The following KCNQ1 variants were observed in gnomAD, a reference collection of about 807,000 sequenced individuals.
KCNQ1 encodes potassium voltage-gated channel subfamily Q member 1, also known as potassium voltage-gated channel subfamily KQT member 1.
KCNQ1 carries 49 observed loss-of-function variants against 72.4 expected under a neutral mutation model. That is an observed-to-expected ratio of 0.68 (90% CI 0.54 to 0.86). KCNQ1 has a LOEUF of 0.86. Ranked by LOEUF, KCNQ1 falls within the 40% of genes least tolerant of loss-of-function variation. The probability of loss-of-function intolerance (pLI) is 0.00; values close to 1 mark genes in which losing one functional copy is unlikely to be tolerated. For missense variants in KCNQ1, 790 were observed against 945.1 expected (o/e 0.84, Z 2.15); for synonymous variants, 450 against 412.6 (o/e 1.09, Z -1.10).
intron 1 of KCNQ1, among the ~76,000 whole-genome samples, chr11:2,467,760 T>C (rs1846372635): frequency 6.6e-6 from 1 of 152,192 alleles, no homozygotes; most frequent in Non-Finnish European, 1.5e-5. Flanking sequence ...CAATGGGGGC[T>C]GTGGGGACCC....
Position 2,445,503 on chromosome 11 carries a change from G to A in KCNQ1, c.386+19G>A, listed in dbSNP as rs1565023350. 3 of 1,588,410 alleles carry A rather than the reference G, an allele frequency of 1.9e-6. No homozygotes were observed. Among genetic ancestry groups the A allele is most frequent in the Non-Finnish European group, 1.7e-6 (2 of 1,175,664 alleles). ...TCGCCGTGTGAGTATCGCCACCGGC[G>A]ACGGCCGGCACGAAGGTGCTTCCTG... On this transcript the variant is annotated intron_variant, in intron 1 of 15. Coordinates refer to ENST00000155840, the MANE Select transcript of KCNQ1 (RefSeq NM_000218.3).
intron 11 of KCNQ1, chr11:2,667,699 T>C (rs2133864507): frequency 5.0e-6 from 2 of 398,698 alleles, no homozygotes; most frequent in Middle Eastern, 6.3e-4. Context: ...GGTGACCTAG[T>C]CAGGAAGTCT....
Position 2,477,201 on chromosome 11 carries a change from C to A in KCNQ1, c.386+31717C>A, listed in dbSNP as rs990304310. ...AGGTGAGATATGTGGAGACATGGCA[C>A]GTGGTGAAAATGCTTGGCAAAGTGT... On this transcript the variant is annotated intron_variant, in intron 1 of 15. Transcript: ENST00000155840. The surrounding 1 kb of genome is among the most constrained non-coding windows in gnomAD (Gnocchi z 5.0). Among the ~76,000 whole-genome samples the A allele has an allele frequency of 1.3e-5, 2 of 152,152 alleles. No individual in the cohort carries two copies. Among genetic ancestry groups the A allele is most frequent in the African/African-American group, 4.8e-5 (2 of 41,430 alleles).
Position 2,659,653 on chromosome 11 carries a change from A to G in KCNQ1, c.1394-2308A>G. 1 of 398,538 alleles carries G rather than the reference A, an allele frequency of 2.5e-6. No homozygotes were observed. Among genetic ancestry groups the G allele is most frequent in the Non-Finnish European group, 4.4e-6 (1 of 226,012 alleles). 24.7% of individuals were successfully genotyped at this position (398,538 alleles called of 1,614,324 possible). On this transcript the variant is annotated intron_variant, in intron 10 of 15. Coordinates refer to ENST00000155840, the MANE Select transcript of KCNQ1 (RefSeq NM_000218.3). The surrounding 1 kb of genome is among the most constrained non-coding windows in gnomAD (Gnocchi z 4.3). Reference sequence around the variant, plus strand: ...AGGTCATGTGGTATGTGTATGTTTAACTTAATAAGAAATTGCTAAACTATT... The same window carrying G: ...AGGTCATGTGGTATGTGTATGTTTAGCTTAATAAGAAATTGCTAAACTATT...
intron 3 of KCNQ1, 67 bp from the exon 4 acceptor site, chr11:2,571,258 G>A (rs1848328703): frequency 7.7e-7 from 1 of 1,301,240 alleles, no homozygotes; most frequent in Non-Finnish European, 1.1e-6. Flanking sequence ...AGAGCAGGGT[G>A]TATGCTCTTC....
Position 2,826,900 on chromosome 11 carries a change from G to A in KCNQ1, c.1795-20867G>A, listed in dbSNP as rs150407026. Among the ~76,000 whole-genome samples, 19 of 152,358 alleles carry A rather than the reference G, an allele frequency of 1.2e-4. No homozygotes were observed. The East Asian group carries it at 2.3e-3, about 19-fold the overall frequency. ...TCTGGTCCTGGAGTGACAAGGACAGGGAGGAAGAAAGCCAGGCAGGTGGCC... is the reference window on the plus strand; with the variant it reads ...TCTGGTCCTGGAGTGACAAGGACAGAGAGGAAGAAAGCCAGGCAGGTGGCC... On this transcript the variant is annotated intron_variant, in intron 15 of 15. Coordinates refer to ENST00000155840, the MANE Select transcript of KCNQ1 (RefSeq NM_000218.3). This position sits in a 1 kb window ranked among gnomAD's most constrained non-coding sequence, Gnocchi z 4.2.
intron 3 of KCNQ1, among the ~76,000 whole-genome samples, 159 bp from the exon 4 acceptor site, chr11:2,571,166 C>G (rs541190886): frequency 2.0e-5 from 3 of 152,198 alleles, no homozygotes; most frequent in African/African-American, 4.8e-5. Context: ...TTAGATGCTG[C>G]CTGCCTCCCT....
chr11:2,652,843 G>T lies in KCNQ1; in HGVS notation c.1394-9118G>T. ...TCCGTTCACTCTGAGATTTGTGTAT[G>T]CTGAGGCTTGCTATACTTATTCTAA... is the stretch of plus-strand genomic sequence containing the variant. On this transcript the variant is annotated intron_variant, in intron 10 of 15. Transcript: ENST00000155840. This position sits in a 1 kb window ranked among gnomAD's most constrained non-coding sequence, Gnocchi z 5.9. 2.5e-6 allele frequency: 1 copy of T among 398,780 alleles called. No homozygotes were observed. Among genetic ancestry groups the T allele is most frequent in the South Asian group, 1.3e-4 (1 of 7,864 alleles). 24.7% of individuals were successfully genotyped at this position (398,780 alleles called of 1,614,324 possible). A position where few individuals can be genotyped will look rare whatever the true frequency, so the allele number is the denominator to read the frequency against.
chr11:2,587,139 TG>T (rs1211586123), intron 8 of KCNQ1, among the ~76,000 whole-genome samples: 1 of 152,214 alleles, frequency 6.6e-6, no homozygotes, highest in Non-Finnish European at 1.5e-5. Context: ...CTGCAGGTCC[TG>T]GGCGACCCCT....
chr11:2,505,011 T>C (rs1392905104), intron 1 of KCNQ1, among the ~76,000 whole-genome samples: 1 of 152,150 alleles, frequency 6.6e-6, no homozygotes, highest in African/African-American at 2.4e-5. Context: ...TACATTGTCT[T>C]CTCATCTTTA....
rs1358769068 is a variant in KCNQ1, at chr11:2,481,585, A to C, written c.386+36101A>C. On this transcript the variant is annotated intron_variant, in intron 1 of 15. Transcript: ENST00000155840. This position sits in a 1 kb window ranked among gnomAD's most constrained non-coding sequence, Gnocchi z 4.6. ...GCAGGAGGTGAGTGGCAGGTGAGCA[A>C]GTGAAGCTTCATCTGTATTTACAGT... 1.3e-5 allele frequency among the ~76,000 whole-genome samples: 2 copies of C among 152,204 alleles called. No homozygotes were observed. The highest frequency in any genetic ancestry group is 2.9e-5 in the Non-Finnish European group (2 of 68,040).
chr11:2,554,503 A>C (rs558351468), intron 2 of KCNQ1, among the ~76,000 whole-genome samples: 2 of 152,354 alleles, frequency 1.3e-5, no homozygotes, highest in Admixed American at 1.3e-4. Context: ...GAATGCAGCC[A>C]TCTGCAGGGG....
chr11:2,619,211 T>C (rs866037775), intron 10 of KCNQ1: 7 of 398,454 alleles, frequency 1.8e-5, no homozygotes, highest in Non-Finnish European at 1.3e-5. Flanking sequence ...TCCAGTACTA[T>C]GTTGAGTAGT....
In KCNQ1 at chr11:2,847,816, A is replaced by AGCT; in HGVS notation, c.1848_1850dup (p.Leu617dup). 1 of 1,569,538 alleles carries AGCT rather than the reference A, an allele frequency of 6.4e-7. No homozygotes were observed. Among genetic ancestry groups the AGCT allele is most frequent in the South Asian group, 1.2e-5 (1 of 85,460 alleles). On this transcript the variant is annotated inframe_insertion, in exon 16 of 16. Transcript: ENST00000155840. ...GCACTCATCACCGACATGCTTCACC[A>AGCT]GCTGCTCTCCTTGCACGGTGGCAGC...
In KCNQ1 at chr11:2,691,565, C is replaced by A. The variant is rs909321236; in HGVS notation, c.1514+29484C>A. 2 of 398,452 alleles carry A rather than the reference C, an allele frequency of 5.0e-6. No homozygotes were observed. The highest frequency in any genetic ancestry group is 2.1e-5 in the African/African-American group (1 of 48,582). 24.7% of individuals were successfully genotyped at this position (398,452 alleles called of 1,614,324 possible). On this transcript the variant is annotated intron_variant, in intron 11 of 15. Coordinates refer to ENST00000155840, the MANE Select transcript of KCNQ1 (RefSeq NM_000218.3). The surrounding 1 kb of genome is among the most constrained non-coding windows in gnomAD (Gnocchi z 6.4). The stretch of plus-strand genomic sequence containing the variant: ...TTCTCTATCCTGAGGTTATGAAATA[C>A]CTCAGCAAGGACGAGGCCTCCCTGA...
Position 2,478,480 on chromosome 11 carries a change from G to T in KCNQ1, c.386+32996G>T, listed in dbSNP as rs1187604904. ...GGAAGAACAAAGGAACATCTTACATGATGACAGGCAAAGAGATAATGAAAA... is the reference window on the plus strand; with the variant it reads ...GGAAGAACAAAGGAACATCTTACATTATGACAGGCAAAGAGATAATGAAAA... On this transcript the variant is annotated intron_variant, in intron 1 of 15. Transcript: ENST00000155840. The surrounding 1 kb of genome is among the most constrained non-coding windows in gnomAD (Gnocchi z 4.0). Among the ~76,000 whole-genome samples the T allele has an allele frequency of 6.6e-6, 1 of 152,170 alleles. No individual in the cohort carries two copies. The highest frequency in any genetic ancestry group is 1.5e-5 in the Non-Finnish European group (1 of 68,026).
intron 11 of KCNQ1, chr11:2,697,856 C>T: frequency 2.5e-6 from 1 of 398,624 alleles, no homozygotes; most frequent in East Asian, 3.6e-5. Context: ...TTTGGACATG[C>T]TCTGATTCGC....
intron 6 of KCNQ1, among the ~76,000 whole-genome samples, chr11:2,582,530 C>G (rs1481527175): frequency 1.3e-5 from 2 of 152,232 alleles, no homozygotes; most frequent in East Asian, 1.9e-4. Context: ...GACCAGAAGC[C>G]CCAAGCCGGT....
intron 15 of KCNQ1, among the ~76,000 whole-genome samples, chr11:2,780,724 G>A (rs941192031): frequency 3.9e-5 from 6 of 152,188 alleles, no homozygotes; most frequent in African/African-American, 1.4e-4. Context: ...GAGTTCACCA[G>A]TGCAGGCCAG....
Sources: allele counts gnomAD v4.1 joint callset (sites outside exome capture counted in the v4.1 genomes callset), GRCh38; gene constraint gnomAD v4.1.1; non-coding constraint Gnocchi (gnomAD v3.1); transcripts MANE v1.5; gene names NCBI Gene and HGNC (gene_info 2026-07-23, HGNC 2026-07-21).